The following PTPRA variants were observed in gnomAD, a reference collection of about 807,000 sequenced individuals.
PTPRA encodes the protein receptor-type tyrosine-protein phosphatase alpha.
In PTPRA, 25 loss-of-function variants were observed where a neutral mutation model predicts 104.8. The ratio of observed to expected loss-of-function variants is 0.24; its 90% confidence interval spans 0.17 to 0.33. The LOEUF (loss-of-function observed/expected upper bound fraction) is 0.33. Ranked by LOEUF, PTPRA falls within the 10% of genes least tolerant of loss-of-function variation. The pLI, the probability that PTPRA is intolerant of heterozygous loss-of-function variation, is 1.00. For missense variants in PTPRA, 765 were observed against 1,015.3 expected, an observed-to-expected ratio of 0.75 and a Z score of 3.35; for synonymous variants, 323 against 368.9, an observed-to-expected ratio of 0.88 and a Z score of 1.43.
At chr20:2,870,259 T>G (rs1393966507), upstream of PTPRA, among the ~76,000 whole-genome samples, 1 of 151,764 alleles carries the variant, frequency 6.6e-6, no homozygotes, top group Non-Finnish European at 1.5e-5. Flanking sequence ...TCCCAGCTAC[T>G]CGGGAGGCTG....
chr20:2,883,370 A>AATGGTAGAGCGTTTTCCTCGTT (rs1332279470), intron 1 of PTPRA, among the ~76,000 whole-genome samples: 6 of 98,622 alleles, frequency 6.1e-5, no homozygotes, highest in South Asian at 3.9e-4. Context: ...AGAAATGTGC[A>AATGGTAGAGCGTTTTCCTCGTT]GGCCGGGCGC....
chr20:2,951,303 T>A (rs998377783), intron 3 of PTPRA, among the ~76,000 whole-genome samples: 1 of 152,092 alleles, frequency 6.6e-6, no homozygotes, highest in Non-Finnish European at 1.5e-5. Flanking sequence ...GGTTTCACCA[T>A]GTTAGCCAGG....
At chr20:2,873,370 C>T (rs1409192434), upstream of PTPRA, 2 of 152,286 alleles carry the variant, frequency 1.3e-5, no homozygotes, top group African/African-American at 4.8e-5. The surrounding 1 kb of genome is among the most constrained non-coding windows in gnomAD (Gnocchi z 4.4). Context: ...AAGTGAGCGC[C>T]CAGCGGAGCG....
chr20:2,952,018 G>C (rs146614685), intron 3 of PTPRA, among the ~76,000 whole-genome samples: 2,903 of 152,070 alleles, frequency 0.019, 99 homozygotes, highest in African/African-American at 0.065. Flanking sequence ...CTACTCAGGA[G>C]ACTGAGGCAG....
intron 1 of PTPRA, among the ~76,000 whole-genome samples, chr20:2,878,129 G>A (rs547526189): frequency 3.3e-5 from 5 of 151,868 alleles, no homozygotes; most frequent in East Asian, 1.9e-4. Flanking sequence ...CCAGCCTGGC[G>A]ACAGAGCGAG....
chr20:2,915,248 T>C (rs2059859645), intron 1 of PTPRA, among the ~76,000 whole-genome samples: 1 of 152,168 alleles, frequency 6.6e-6, no homozygotes. Context: ...TGGGCCACTG[T>C]ACCAGGTTCC....
At chr20:2,864,304 G>A in the PTPRA span, 1 of 1,614,060 alleles carries the variant, frequency 6.2e-7, no homozygotes, top group Non-Finnish European at 8.5e-7. The surrounding 1 kb of genome is among the most constrained non-coding windows in gnomAD (Gnocchi z 5.2). Context: ...GCAAGGCTGG[G>A]GGGCCCCTGG....
chr20:2,911,503 T>C (rs777115734), intron 1 of PTPRA, among the ~76,000 whole-genome samples: 1 of 152,220 alleles, frequency 6.6e-6, no homozygotes, highest in Non-Finnish European at 1.5e-5. Context: ...GTCATTAAAC[T>C]AGTCTTTGAC....
chr20:2,939,900 A>C lies in PTPRA; in HGVS notation c.-49-8082A>C, dbSNP rs1286388972. On this transcript the variant is annotated intron_variant, in intron 2 of 23. Coordinates refer to ENST00000399903, the MANE Select transcript of PTPRA (RefSeq NM_001385305.1). ...GGCGAGCGGATCACCTGAGGTGAGG[A>C]GTTCGAGACCAGCCTGGCCAACATG... Among the ~76,000 whole-genome samples the C allele has an allele frequency of 3.3e-5, 5 of 152,224 alleles. No individual in the cohort carries two copies. The East Asian group carries it at 9.6e-4, about 29-fold the overall frequency.
rs981310974 is a variant in PTPRA, at chr20:3,037,984, A to G, written c.2335-75A>G. The G allele has an allele frequency of 4.7e-6, 6 of 1,266,866 alleles. No homozygotes were observed. The highest frequency in any genetic ancestry group is 6.8e-6 in the Non-Finnish European group (6 of 883,078). 78.5% of individuals were successfully genotyped at this position (1,266,866 alleles called of 1,614,324 possible). A position where few individuals can be genotyped will look rare whatever the true frequency, so the allele number is the denominator to read the frequency against. ...TTGATTTTCCATCTTCAACAAAAAA[A>G]TGAGTCTGTTAGGAATTACAGGTAC... On this transcript the variant is annotated intron_variant, in intron 23 of 23. Transcript: ENST00000399903. This position sits in a 1 kb window ranked among gnomAD's most constrained non-coding sequence, Gnocchi z 4.3.
At chr20:3,026,979 G>T in intron 18 of PTPRA, 142 bp from the exon 19 acceptor site, 2 of 1,034,698 alleles carry the variant, frequency 1.9e-6, no homozygotes, top group Non-Finnish European at 2.9e-6. Flanking sequence ...AAAGCCAAAG[G>T]CTTTCTCCCT....
chr20:2,959,937 T>G (rs1389713398), intron 3 of PTPRA, among the ~76,000 whole-genome samples: 1 of 151,768 alleles, frequency 6.6e-6, no homozygotes, highest in Non-Finnish European at 1.5e-5. Flanking sequence ...GGCAACAGAG[T>G]GAGACTCCGT....
chr20:2,872,516 C>T (rs2089454656), upstream of PTPRA, among the ~76,000 whole-genome samples: 1 of 152,248 alleles, frequency 6.6e-6, no homozygotes, highest in African/African-American at 2.4e-5. The surrounding 1 kb of genome is among the most constrained non-coding windows in gnomAD (Gnocchi z 7.9). Context: ...TCGCCCTGCG[C>T]GGGTCTCGGA....
At position 2,957,766 on chromosome 20, in the gene PTPRA, G is replaced by GTAGGA. The variant is rs201505841; in HGVS notation, c.-6-6502_-6-6501insATAGG. Among the ~76,000 whole-genome samples, 858 of 152,228 alleles carry GTAGGA rather than the reference G, an allele frequency of 5.6e-3. 8 individuals carry two copies. Among genetic ancestry groups the GTAGGA allele is most frequent in the African/African-American group, 0.019 (794 of 41,518 alleles). The stretch of plus-strand genomic sequence containing the variant: ...CAATGGCTTTTATTTTCTTGGAAGG[G>GTAGGA]TAGGCAAGGCCAACAGCCACATGTG... On this transcript the variant is annotated intron_variant, in intron 3 of 23. Transcript: ENST00000399903.
chr20:2,945,948 G>A (rs1474768196), intron 2 of PTPRA, among the ~76,000 whole-genome samples: 1 of 150,732 alleles, frequency 6.6e-6, no homozygotes, highest in South Asian at 2.1e-4. Context: ...ATGCGTGTGT[G>A]TATATATATA....
chr20:2,932,775 T>C (rs1347876892), intron 2 of PTPRA, among the ~76,000 whole-genome samples: 2 of 152,358 alleles, frequency 1.3e-5, no homozygotes, highest in African/African-American at 4.8e-5. Context: ...GAGATAGGAA[T>C]GGTGGAACCA....
At chr20:2,946,729 T>C (rs1434543459) in intron 2 of PTPRA, among the ~76,000 whole-genome samples, 1 of 151,808 alleles carries the variant, frequency 6.6e-6, no homozygotes, top group African/African-American at 2.4e-5. Context: ...ATGCCTGTAA[T>C]CCCAGCTACT....
At chr20:3,018,778 T>C (rs1200524233) in intron 13 of PTPRA, among the ~76,000 whole-genome samples, 4 of 141,470 alleles carry the variant, frequency 2.8e-5, no homozygotes, top group Admixed American at 6.9e-5. Flanking sequence ...GCAGAGGGGC[T>C]CCTCACTTCC....
chr20:3,021,771 C>T (rs1256329683), intron 14 of PTPRA, among the ~76,000 whole-genome samples: 1 of 152,224 alleles, frequency 6.6e-6, no homozygotes, highest in Non-Finnish European at 1.5e-5. Context: ...ATGTGATGGG[C>T]CTGCCCCTGG....
Sources: allele counts gnomAD v4.1 joint callset (sites outside exome capture counted in the v4.1 genomes callset), GRCh38; gene constraint gnomAD v4.1.1; non-coding constraint Gnocchi (gnomAD v3.1); transcripts MANE v1.5; gene names NCBI Gene and HGNC (gene_info 2026-07-23, HGNC 2026-07-21).